CCDC51: variants seen among roughly 807,000 people sequenced by gnomAD.
The protein encoded by CCDC51 is mitochondrial potassium channel.
CCDC51 carries 25 observed loss-of-function variants against 24.8 expected under a neutral mutation model. That is an observed-to-expected ratio of 1.01 (90% confidence interval 0.73 to 1.41). The LOEUF (loss-of-function observed/expected upper bound fraction) is 1.41, where lower values mean the gene tolerates loss of function less well. Ranked by LOEUF, CCDC51 falls within the 40% of genes most tolerant of loss-of-function variation. The pLI is 0.00. For synonymous variants in CCDC51, 190 were observed against 204.3 expected (o/e 0.93, Z 0.60); for missense variants, 466 against 519.1 (o/e 0.90, Z 0.99).
upstream of CCDC51, chr3:48,440,606 G>A (rs774236200): frequency 1.2e-6 from 2 of 1,611,742 alleles, no homozygotes; most frequent in African/African-American, 1.3e-5. Context: ...TAAAAGCGAA[G>A]GCCGCGGGGA....
chr3:48,437,388 C>CTGGGATGTTT lies in CCDC51; in HGVS notation c.-8-2253_-8-2252insAAACATCCCA, dbSNP rs2039387518. Among the ~76,000 whole-genome samples the CTGGGATGTTT allele has an allele frequency of 6.6e-6, 1 of 152,042 alleles. No individual in the cohort carries two copies. Among genetic ancestry groups the CTGGGATGTTT allele is most frequent in the Non-Finnish European group, 1.5e-5 (1 of 68,008 alleles). On this transcript the variant is annotated intron_variant, in intron 1 of 3. Transcript: ENST00000395694. This position sits in a 1 kb window ranked among gnomAD's most constrained non-coding sequence, Gnocchi z 4.2. ...ATCCCACCAGCCCCCAACCCTGGGC[C>CTGGGATGTTT]CTGTTTCTCAGCCCCCAGGATGTCA... is the stretch of plus-strand genomic sequence containing the variant.
In CCDC51 at chr3:48,434,887, G is replaced by GTCTTGGC. The variant is rs1560090592; in HGVS notation, c.235_241dup (p.Thr81SerfsTer9). 1 of 1,614,240 alleles carries GTCTTGGC rather than the reference G, an allele frequency of 6.2e-7. No individual in the cohort carries two copies. Among genetic ancestry groups the GTCTTGGC allele is most frequent in the South Asian group, 1.1e-5 (1 of 91,086 alleles). ...AAACTCTTCATATCTGTCCCACCAA[G>GTCTTGGC]TCTTGGCTGTGGAGGTCGCTCGTTG... On this transcript the variant is annotated frameshift_variant, in exon 2 of 4. Transcript: ENST00000395694. LOFTEE classifies it high-confidence loss of function.
At chr3:48,445,759 A>G in the CCDC51 span, among the ~76,000 whole-genome samples, 8 of 152,190 alleles carry the variant, frequency 5.3e-5, no homozygotes, top group Admixed American at 1.3e-4. Flanking sequence ...AAATATTCCT[A>G]GGACACTCAC....
Position 48,437,481 on chromosome 3 carries a change from G to A in CCDC51, c.-8-2345C>T, listed in dbSNP as rs917966229. On this transcript the variant is annotated intron_variant, in intron 1 of 3. Transcript: ENST00000395694. This position sits in a 1 kb window ranked among gnomAD's most constrained non-coding sequence, Gnocchi z 4.2. ...AATGTTCCTGGCAAAGAGAAAAGGTGGAAAGTGCTTGAGGTCGCCCAAAAC... is the reference window on the plus strand; with the variant it reads ...AATGTTCCTGGCAAAGAGAAAAGGTAGAAAGTGCTTGAGGTCGCCCAAAAC... Among the ~76,000 whole-genome samples, 11 of 152,118 alleles carry A rather than the reference G, an allele frequency of 7.2e-5. No homozygotes were observed. Among genetic ancestry groups the A allele is most frequent in the African/African-American group, 2.4e-4 (10 of 41,426 alleles).
chr3:48,436,740 C>T (rs751225570), intron 1 of CCDC51, among the ~76,000 whole-genome samples: 8 of 152,252 alleles, frequency 5.3e-5, no homozygotes, highest in Non-Finnish European at 1.0e-4. Flanking sequence ...TCTTGGCTTC[C>T]TCCAACCTTC....
chr3:48,434,827 T>C lies in CCDC51; in HGVS notation c.302A>G (p.Lys101Arg). 1 of 1,598,050 alleles carries C rather than the reference T, an allele frequency of 6.3e-7. No individual in the cohort carries two copies. The highest frequency in any genetic ancestry group is 8.5e-7 in the Non-Finnish European group (1 of 1,169,592). ...GLNEVREAQG[K>R]VTEAEKVFMV... ...AGCTCCCCTCCTCACCTCTGTCACC[T>C]TTCCCTGGGCCTCTCGAACCTCGTT... Residue 101 changes from lysine to arginine, a missense_variant, in exon 2 of 4, where the codon AAG (lysine) becomes AGG (arginine). By Grantham distance (26) the Lys-to-Arg change is conservative. Transcript: ENST00000395694.
Position 48,433,063 on chromosome 3 carries a change from C to T in CCDC51, c.581G>A (p.Arg194His), listed in dbSNP as rs371798839. The T allele has an allele frequency of 3.2e-5, 51 of 1,614,080 alleles. No homozygotes were observed. Among genetic ancestry groups the T allele is most frequent in the Middle Eastern group, 1.6e-4 (1 of 6,078 alleles). Reference protein sequence around the residue: ...AAVRESHEKERTRAERTKNWS... With the variant: ...AAVRESHEKEHTRAERTKNWS... ...GTTCTTGGTCCTCTCAGCCCTTGTG[C>T]GCTCCTTCTCATGACTTTCCCGCAC... Residue 194 changes from arginine (R) to histidine (H), a missense_variant, in exon 4 of 4, where the codon CGC (arginine) becomes CAC (histidine). Physicochemically the swap from Arg to His is conservative, Grantham distance 29. Transcript: ENST00000395694. The surrounding 1 kb of genome is among the most constrained non-coding windows in gnomAD (Gnocchi z 4.4).
At chr3:48,441,234 T>C (rs1307356440), upstream of CCDC51, among the ~76,000 whole-genome samples, 5 of 152,092 alleles carry the variant, frequency 3.3e-5, no homozygotes, top group Non-Finnish European at 5.9e-5. Flanking sequence ...TTAGTAGAGA[T>C]GGGGTTTCAC....
chr3:48,441,382 C>A (rs562557064), upstream of CCDC51, among the ~76,000 whole-genome samples: 4 of 151,830 alleles, frequency 2.6e-5, no homozygotes, highest in South Asian at 8.3e-4. Flanking sequence ...GGAGTTTCAC[C>A]ATGTTGGCCA....
Position 48,434,952 on chromosome 3 carries a change from G to A in CCDC51, c.177C>T (p.Arg59=). The A allele has an allele frequency of 6.2e-7, 1 of 1,614,224 alleles. No individual in the cohort carries two copies. Among genetic ancestry groups the A allele is most frequent in the South Asian group, 1.1e-5 (1 of 91,084 alleles). Reference sequence around the variant, plus strand: ...CCAGGGCTCTTCCCAGTGCTGGGAGGCGGTGGTGCAGCCCCAGGGCCACCT... The same window carrying A: ...CCAGGGCTCTTCCCAGTGCTGGGAGACGGTGGTGCAGCCCCAGGGCCACCT... ...PEEVALGLHH[R]LPALGRALGH... The change falls in exon 2 of 4, where the codon CGC becomes CGT. Residue 59 remains arginine (R), a synonymous_variant. Coordinates refer to ENST00000395694, the MANE Select transcript of CCDC51 (RefSeq NM_001256964.2).
chr3:48,440,500 G>A (rs1243185955), upstream of CCDC51: 4 of 1,603,924 alleles, frequency 2.5e-6, no homozygotes, highest in African/African-American at 2.7e-5. Flanking sequence ...CGGGGGCGCT[G>A]GGAGACAGGC....
chr3:48,441,662 G>A (rs2039573646), upstream of CCDC51, among the ~76,000 whole-genome samples: 3 of 152,118 alleles, frequency 2.0e-5, no homozygotes, highest in South Asian at 4.1e-4. Flanking sequence ...TTTTATGTAG[G>A]AGAAATTCAT....
In CCDC51 at chr3:48,433,252, G is replaced by T; in HGVS notation, c.478-86C>A. 1 of 1,298,860 alleles carries T rather than the reference G, an allele frequency of 7.7e-7. No individual in the cohort carries two copies. The highest frequency in any genetic ancestry group is 1.1e-6 in the Non-Finnish European group (1 of 931,244). 80.5% of individuals were successfully genotyped at this position (1,298,860 alleles called of 1,614,324 possible). A position where few individuals can be genotyped will look rare whatever the true frequency, so the allele number is the denominator to read the frequency against. ...CCACCAGCAGATGGCTCACTACCTT[G>T]TGCCTGGCAGAGTACATGTTCCATA... On this transcript the variant is annotated intron_variant, in intron 3 of 3. Transcript: ENST00000395694. This position sits in a 1 kb window ranked among gnomAD's most constrained non-coding sequence, Gnocchi z 4.4.
upstream of CCDC51, among the ~76,000 whole-genome samples, chr3:48,444,579 T>G (rs971154560): frequency 6.6e-6 from 1 of 152,220 alleles, no homozygotes; most frequent in Admixed American, 6.5e-5. Context: ...GACCAGAATT[T>G]GTGCTTTTAA....
upstream of CCDC51, chr3:48,440,389 C>T: frequency 6.2e-7 from 1 of 1,611,752 alleles, no homozygotes; most frequent in Non-Finnish European, 8.5e-7. Context: ...CGAACGTGCT[C>T]GTGTCGCCCA....
upstream of CCDC51, chr3:48,440,435 AAGC>A: frequency 6.2e-7 from 1 of 1,612,538 alleles, no homozygotes; most frequent in Non-Finnish European, 8.5e-7. Flanking sequence ...ACAGCCCAAG[AAGC>A]AGGCCAAGGA....
chr3:48,433,994 G>A lies in CCDC51; in HGVS notation c.313-123C>T. 6 of 1,473,316 alleles carry A rather than the reference G, an allele frequency of 4.1e-6. No homozygotes were observed. Among genetic ancestry groups the A allele is most frequent in the Non-Finnish European group, 4.5e-6 (5 of 1,116,990 alleles). The allele number at this position is 1,473,316 out of a possible 1,614,324, so 91.3% of individuals were successfully genotyped here. The stretch of plus-strand genomic sequence containing the variant: ...GGTGTGAGCTGCAAAGGGTGGAAAC[G>A]GAATTCCTTAGACACTAATCCTGGC... On this transcript the variant is annotated intron_variant, in intron 2 of 3. Transcript: ENST00000395694. This position sits in a 1 kb window ranked among gnomAD's most constrained non-coding sequence, Gnocchi z 4.4.
At position 48,433,752 on chromosome 3, in the gene CCDC51, G is replaced by T; in HGVS notation, c.432C>A (p.Asp144Glu). 2 of 1,614,020 alleles carry T rather than the reference G, an allele frequency of 1.2e-6. No individual in the cohort carries two copies. Among genetic ancestry groups the T allele is most frequent in the Non-Finnish European group, 1.7e-6 (2 of 1,179,978 alleles). Residue 144 changes from aspartate to glutamate, a missense_variant, in exon 3 of 4, where the codon GAC becomes GAA. Coordinates refer to ENST00000395694, the MANE Select transcript of CCDC51 (RefSeq NM_001256964.2). The surrounding 1 kb of genome is among the most constrained non-coding windows in gnomAD (Gnocchi z 4.4). ...GAGTAGCCAGTTCCAAGTACTGACT[G>T]TCCTCCCTGGAGACACGGTCCAAGC... Reference protein sequence around the residue: ...RDRLDRVSREDSQYLELATLE... With the variant: ...RDRLDRVSREESQYLELATLE...
chr3:48,438,546 CT>C (rs1191169216), intron 1 of CCDC51, among the ~76,000 whole-genome samples: 1 of 152,122 alleles, frequency 6.6e-6, no homozygotes, highest in African/African-American at 2.4e-5. Context: ...CGCATCACCC[CT>C]GATTCCTCAT....
Sources: gnomAD v4.1 joint callset for allele counts (sites outside exome capture counted in the v4.1 genomes callset) on GRCh38, gnomAD v4.1.1 for gene constraint, Gnocchi (gnomAD v3.1) non-coding constraint, MANE v1.5 for transcripts, NCBI Gene and HGNC (gene_info 2026-07-23, HGNC 2026-07-21) for gene names.